The following RHPN2 variants were observed in gnomAD, a reference collection of about 807,000 sequenced individuals.
RHPN2 encodes rhophilin Rho GTPase binding protein 2.
RHPN2 carries 40 observed loss-of-function variants against 79.0 expected under a neutral mutation model. The ratio of observed to expected loss-of-function variants is 0.51; its 90% CI spans 0.39 to 0.66. RHPN2 has a LOEUF of 0.66. Ranked by LOEUF, RHPN2 falls within the 30% of genes least tolerant of loss-of-function variation. The probability of loss-of-function intolerance (pLI) is 0.00; values close to 1 mark genes in which losing one functional copy is unlikely to be tolerated. For missense variants in RHPN2, 686 were observed against 883.5 expected (o/e 0.78, Z 2.83); for synonymous variants, 285 against 363.5 (o/e 0.78, Z 2.46).
chr19:33,053,815 C>T (rs1003848066), intron 1 of RHPN2, among the ~76,000 whole-genome samples: 1 of 151,924 alleles, frequency 6.6e-6, no homozygotes, highest in Non-Finnish European at 1.5e-5. Context: ...GATCCACCTG[C>T]CTCAGCCTCC....
intron 2 of RHPN2, among the ~76,000 whole-genome samples, chr19:33,031,210 T>TTTCTATTCTATTCTATTCTTTCTA (rs1972007949): frequency 6.9e-6 from 1 of 145,026 alleles, no homozygotes; most frequent in East Asian, 2.0e-4. Flanking sequence ...TATTCTATTC[T>TTTCTATTCTATTCTATTCTTTCTA]TTCTATTCTA....
chr19:33,023,449 A>AAG (rs1971940854), intron 3 of RHPN2, among the ~76,000 whole-genome samples: 1 of 148,774 alleles, frequency 6.7e-6, no homozygotes, highest in Non-Finnish European at 1.5e-5. Flanking sequence ...AAAAAAAAAA[A>AAG]AAAGAAAAAA....
intron 3 of RHPN2, 31 bp downstream of exon 3, chr19:33,026,473 G>T: frequency 6.2e-7 from 1 of 1,604,844 alleles, no homozygotes; most frequent in Non-Finnish European, 8.5e-7. Context: ...CTGGCTCAGA[G>T]GCTTTTGGAA....
Position 33,011,603 on chromosome 19 carries a change from G to T in RHPN2, c.593+76C>A, listed in dbSNP as rs1283089795. 6.9e-6 allele frequency: 11 copies of T among 1,597,876 alleles called. No homozygotes were observed. In the East Asian group the frequency reaches 2.5e-4, roughly 36 times the overall value. On this transcript the variant is annotated intron_variant, in intron 6 of 14. Transcript: ENST00000254260. Reference sequence around the variant, plus strand: ...GGTGCACAGGGGCACCCGCAGAGGGGCGTCTGTGATGCTGAGGCTCCAAAA... The same window carrying T: ...GGTGCACAGGGGCACCCGCAGAGGGTCGTCTGTGATGCTGAGGCTCCAAAA...
At chr19:32,984,358 T>C (rs1180201626) in intron 14 of RHPN2, among the ~76,000 whole-genome samples, 1 of 152,076 alleles carries the variant, frequency 6.6e-6, no homozygotes. Flanking sequence ...TTTAAAAAAT[T>C]ATTTTTAAAA....
At chr19:33,019,532 T>C (rs1463224960) in intron 4 of RHPN2, among the ~76,000 whole-genome samples, 3 of 151,610 alleles carry the variant, frequency 2.0e-5, no homozygotes, top group Admixed American at 6.6e-5. Flanking sequence ...TGAGCCGAGA[T>C]CACGCCATTG....
In RHPN2 at chr19:32,979,339, A is replaced by G. The variant is rs1481805089; in HGVS notation, c.*657T>C. The G allele has an allele frequency of 6.5e-6, 1 of 152,802 alleles. No homozygotes were observed. Among genetic ancestry groups the G allele is most frequent in the Non-Finnish European group, 1.5e-5 (1 of 68,170 alleles). The allele number at this position is 152,802 out of a possible 1,614,324, so 9.5% of individuals were successfully genotyped here. On this transcript the variant is annotated 3_prime_UTR_variant, in exon 15 of 15. Transcript: ENST00000254260. ...ACCTTGTAGACAGCATCTTCATCTA[A>G]CACTGCCACTGTGTTAGTAATTCTT...
chr19:33,002,250 G>C lies in RHPN2; in HGVS notation c.1102C>G (p.Gln368Glu), dbSNP rs923072397. 1 of 1,612,910 alleles carries C rather than the reference G, an allele frequency of 6.2e-7. No individual in the cohort carries two copies. Among genetic ancestry groups the C allele is most frequent in the Non-Finnish European group, 8.5e-7 (1 of 1,179,804 alleles). Residue 368 changes from glutamine (Q) to glutamate (E), a missense_variant, in exon 9 of 15, where the codon CAG becomes GAG. Coordinates refer to ENST00000254260, the MANE Select transcript of RHPN2 (RefSeq NM_033103.5). The part of the protein sequence containing the change: ...YFTAILLIDH[Q>E]VKPGTDLDHQ... Reference sequence around the variant, plus strand: ...TCCCGAACCCCCCAGGCCTTACCCTGGTGGTCGATGAGGAGGATGGCAGTG... The same window carrying C: ...TCCCGAACCCCCCAGGCCTTACCCTCGTGGTCGATGAGGAGGATGGCAGTG...
intron 2 of RHPN2, among the ~76,000 whole-genome samples, chr19:33,036,989 G>A (rs1208914153): frequency 2.0e-5 from 3 of 152,220 alleles, no homozygotes; most frequent in Non-Finnish European, 4.4e-5. Context: ...GAGTGCGGGC[G>A]CAGGGCGCCG....
intron 2 of RHPN2, among the ~76,000 whole-genome samples, chr19:33,043,278 C>T (rs1379036423): frequency 6.6e-6 from 1 of 152,012 alleles, no homozygotes; most frequent in Admixed American, 6.6e-5. Context: ...ACGCCAGACG[C>T]AGTAGCTCGC....
At chr19:33,055,044 G>A (rs1972220721) in intron 1 of RHPN2, among the ~76,000 whole-genome samples, 1 of 152,118 alleles carries the variant, frequency 6.6e-6, no homozygotes, top group Admixed American at 6.6e-5. Context: ...CAGTCAGCCT[G>A]GATCCAGCCT....
At chr19:33,036,618 A>G (rs1000837000) in intron 2 of RHPN2, among the ~76,000 whole-genome samples, 2 of 152,176 alleles carry the variant, frequency 1.3e-5, no homozygotes, top group African/African-American at 4.8e-5. Context: ...CGGCTCCCTC[A>G]GCTTCTGGGG....
chr19:33,018,015 G>A (rs1158617912), intron 4 of RHPN2, among the ~76,000 whole-genome samples: 5 of 152,102 alleles, frequency 3.3e-5, no homozygotes, highest in East Asian at 3.9e-4. Context: ...TTAGCCGGGC[G>A]TGGTAGTGGG....
intron 3 of RHPN2, among the ~76,000 whole-genome samples, chr19:33,023,495 T>C (rs1971941372): frequency 6.7e-6 from 1 of 149,278 alleles, no homozygotes; most frequent in South Asian, 2.1e-4. Flanking sequence ...AACAATCTAC[T>C]TTGAAAACAG....
chr19:33,039,174 G>A (rs1180708837), intron 2 of RHPN2, among the ~76,000 whole-genome samples: 1 of 152,130 alleles, frequency 6.6e-6, no homozygotes. Flanking sequence ...AGGGTTTCAG[G>A]AGGCTGGAGC....
At chr19:33,035,540 G>A (rs1445630782) in intron 2 of RHPN2, among the ~76,000 whole-genome samples, 2 of 152,156 alleles carry the variant, frequency 1.3e-5, no homozygotes, top group Non-Finnish European at 2.9e-5. Flanking sequence ...GACCTTTGGT[G>A]CAACCATGAT....
At chr19:33,008,246 A>AATT in intron 6 of RHPN2, 66 bp from the exon 7 acceptor site, 1 of 1,520,690 alleles carries the variant, frequency 6.6e-7, no homozygotes, top group Non-Finnish European at 9.0e-7. Context: ...AAGTGGAAAA[A>AATT]ATTCTTTTTT....
chr19:33,027,847 A>C (rs1971980689), intron 2 of RHPN2, among the ~76,000 whole-genome samples: 1 of 152,218 alleles, frequency 6.6e-6, no homozygotes, highest in African/African-American at 2.4e-5. Flanking sequence ...GTAGGAATAA[A>C]AGAGAATTTA....
At chr19:33,035,839 G>A (rs949102368) in intron 2 of RHPN2, among the ~76,000 whole-genome samples, 9 of 152,084 alleles carry the variant, frequency 5.9e-5, no homozygotes, top group Non-Finnish European at 7.3e-5. Flanking sequence ...ATATCGGGCC[G>A]GGCGCCATGG....
Sources: gnomAD v4.1 joint callset for allele counts (sites outside exome capture counted in the v4.1 genomes callset) on GRCh38, gnomAD v4.1.1 for gene constraint, MANE v1.5 for transcripts, NCBI Gene and HGNC (gene_info 2026-07-23, HGNC 2026-07-21) for gene names.